PCM1: variants seen among roughly 807,000 people sequenced by gnomAD.
PCM1 encodes the protein pericentriolar material 1, also known as pericentriolar material 1 protein.
PCM1 carries 157 observed loss-of-function variants against 241.9 expected under a neutral mutation model. That is an observed-to-expected ratio of 0.65 (90% CI 0.57 to 0.74). PCM1 has a LOEUF of 0.74. Among genes scored for constraint, PCM1 ranks in the 30% least tolerant of loss-of-function variants. The pLI is 0.00. For synonymous variants in PCM1, 1,085 were observed against 784.9 expected (o/e 1.38, Z -6.39); for missense variants, 3,478 against 2,360.1 (o/e 1.47, Z -9.81).
chr8:17,992,292 T>C (rs1224965732), intron 28 of PCM1, among the ~76,000 whole-genome samples: 1 of 152,228 alleles, frequency 6.6e-6, no homozygotes, highest in Non-Finnish European at 1.5e-5. Context: ...ATGGTGGATC[T>C]ACTTTCAGTT....
intron 28 of PCM1, among the ~76,000 whole-genome samples, chr8:17,992,536 A>C (rs528940074): frequency 1.0e-3 from 158 of 151,308 alleles, no homozygotes; most frequent in African/African-American, 3.8e-3. Flanking sequence ...ACTCAACATC[A>C]CCAAAAAGTT....
intron 30 of PCM1, among the ~76,000 whole-genome samples, chr8:18,008,320 T>G (rs1191346795): frequency 6.6e-6 from 1 of 151,902 alleles, no homozygotes; most frequent in Non-Finnish European, 1.5e-5. Context: ...AGAATCTAAT[T>G]CCTGACCTGT....
At chr8:18,010,158 C>G (rs2092265425) in intron 31 of PCM1, among the ~76,000 whole-genome samples, 1 of 152,116 alleles carries the variant, frequency 6.6e-6, no homozygotes, top group South Asian at 2.1e-4. Context: ...TTAGTTAGGG[C>G]TTTGGTTTTA....
intron 18 of PCM1, 78 bp from the exon 19 acceptor site, chr8:17,965,921 G>A: frequency 1.1e-6 from 1 of 924,484 alleles, no homozygotes; most frequent in South Asian, 1.8e-5. Context: ...CCATAGGCCT[G>A]AGTATCAGAG....
chr8:18,014,889 A>G (rs2092972739), intron 36 of PCM1, 49 bp downstream of exon 36: 9 of 1,455,372 alleles, frequency 6.2e-6, no homozygotes, highest in African/African-American at 1.4e-5. Context: ...ATTTCTGTGC[A>G]TATTTCTTCA....
intron 38 of PCM1, among the ~76,000 whole-genome samples, chr8:18,027,311 G>A (rs985486300): frequency 6.6e-6 from 1 of 152,112 alleles, no homozygotes; most frequent in Non-Finnish European, 1.5e-5. Context: ...GAGCATTCTG[G>A]TAATTTGTTG....
rs758328825 is a variant in PCM1 at position 17,960,091 on chromosome 8, C to T, written c.2118C>T (p.Thr706=). The T allele has an allele frequency of 6.2e-7, 1 of 1,608,532 alleles. No homozygotes were observed. Residue 706 remains threonine, a synonymous_variant, in exon 14 of 39, where the codon ACC becomes ACT. Coordinates refer to ENST00000325083, the MANE Select transcript of PCM1 (RefSeq NM_006197.4). ...LDDFYPAEED[T]KQNSNNTRGN... ...ATTTCTACCCAGCAGAAGAAGACAC[C>T]AAGCAAAATTCAAATAACACTAGAG...
intron 24 of PCM1, among the ~76,000 whole-genome samples, chr8:17,982,373 A>G (rs953041196): frequency 3.0e-4 from 45 of 152,348 alleles, no homozygotes; most frequent in Non-Finnish European, 5.9e-5. Flanking sequence ...ATAATTGGAC[A>G]TAGTACTTCA....
intron 10 of PCM1, 102 bp downstream of exon 10, chr8:17,955,755 ATTG>A (rs1408551823): frequency 5.6e-6 from 5 of 894,590 alleles, no homozygotes; most frequent in East Asian, 5.2e-5. Flanking sequence ...TTTATTTAAT[ATTG>A]TTGTAAACAT....
chr8:18,018,901 TA>T (rs2093518748), intron 36 of PCM1, among the ~76,000 whole-genome samples: 1 of 125,856 alleles, frequency 7.9e-6, no homozygotes, highest in Non-Finnish European at 1.7e-5. Context: ...TACATACACA[TA>T]TATATATATA....
intron 2 of PCM1, among the ~76,000 whole-genome samples, chr8:17,933,029 G>A (rs189854908): frequency 9.9e-5 from 15 of 152,196 alleles, no homozygotes; most frequent in African/African-American, 3.6e-4. Context: ...TGATTGAGGT[G>A]AAGAATACCA....
chr8:17,989,878 T>C lies in PCM1; in HGVS notation c.4430T>C (p.Phe1477Ser). Residue 1477 changes from phenylalanine to serine, a missense_variant, in exon 27 of 39, where the codon TTT (phenylalanine) becomes TCT (serine). Physicochemically the swap from Phe to Ser is radical, Grantham distance 155. Coordinates refer to ENST00000325083, the MANE Select transcript of PCM1 (RefSeq NM_006197.4). Reference sequence around the variant, plus strand: ...ACTTAGGAAACTTTTGAGAAGAACTTTGAAAGAGAAACCCATAAAATAAGT... The same window carrying C: ...ACTTAGGAAACTTTTGAGAAGAACTCTGAAAGAGAAACCCATAAAATAAGT... ...TTDDETFEKN[F>S]ERETHKISEQ... 1.9e-6 allele frequency: 3 copies of C among 1,542,706 alleles called. No individual in the cohort carries two copies. Among genetic ancestry groups the C allele is most frequent in the East Asian group, 2.5e-5 (1 of 40,740 alleles).
intron 28 of PCM1, among the ~76,000 whole-genome samples, chr8:17,991,945 C>T (rs1392254894): frequency 6.6e-6 from 1 of 152,174 alleles, no homozygotes; most frequent in African/African-American, 2.4e-5. Flanking sequence ...TGAGTGAGAA[C>T]ATGCAACGTT....
At chr8:17,999,025 C>T (rs2088096691) in intron 29 of PCM1, among the ~76,000 whole-genome samples, 2 of 151,920 alleles carry the variant, frequency 1.3e-5, no homozygotes, top group South Asian at 4.2e-4. Context: ...GCTGCCAGGC[C>T]TGGGACTCAC....
chr8:17,948,241 A>G (rs553810879), intron 7 of PCM1, among the ~76,000 whole-genome samples: 19 of 146,890 alleles, frequency 1.3e-4, no homozygotes, highest in African/African-American at 4.8e-4. Context: ...TCCCTGTTAT[A>G]CCTAATTTAA....
At chr8:17,986,266 AT>A in intron 26 of PCM1, 179 bp downstream of exon 26, 1 of 432,466 alleles carries the variant, frequency 2.3e-6, no homozygotes, top group Non-Finnish European at 4.0e-6. Context: ...CAATCAAAAT[AT>A]GGTAGCAAAC....
intron 2 of PCM1, among the ~76,000 whole-genome samples, chr8:17,934,181 T>G (rs912571548): frequency 4.6e-5 from 7 of 152,162 alleles, no homozygotes; most frequent in Non-Finnish European, 8.8e-5. Context: ...TTTTGATATT[T>G]TTTCTCTAGT....
At chr8:17,959,291 A>G (rs994880643) in intron 13 of PCM1, among the ~76,000 whole-genome samples, 2 of 150,142 alleles carry the variant, frequency 1.3e-5, no homozygotes, top group Admixed American at 6.7e-5. Context: ...AAACACAAAT[A>G]TGATAATTAT....
chr8:17,929,891 G>T (rs774408768), intron 2 of PCM1, among the ~76,000 whole-genome samples: 4 of 152,138 alleles, frequency 2.6e-5, no homozygotes, highest in Non-Finnish European at 5.9e-5. Context: ...TGTAATAAAA[G>T]TTACAAGAAT....
Sources: allele counts gnomAD v4.1 joint callset (sites outside exome capture counted in the v4.1 genomes callset), GRCh38; gene constraint gnomAD v4.1.1; transcripts MANE v1.5; gene names NCBI Gene and HGNC (gene_info 2026-07-23, HGNC 2026-07-21).